PTCHD4: variants seen among roughly 807,000 people sequenced by gnomAD.
PTCHD4 encodes the protein patched domain containing 4.
Under a neutral mutation model 58.1 loss-of-function variants are expected in PTCHD4, and 33 were observed. The observed-to-expected ratio is 0.57, with a 90% CI of 0.43 to 0.76. PTCHD4 has a LOEUF of 0.76. PTCHD4 is among the 30% of genes least tolerant of loss of function. The pLI, the probability that PTCHD4 is intolerant of heterozygous loss-of-function variation, is 0.00. For synonymous variants in PTCHD4, 478 were observed against 409.6 expected, an observed-to-expected ratio of 1.17 and a Z score of -2.02; for missense variants, 1,058 against 1,027.1, an observed-to-expected ratio of 1.03 and a Z score of -0.41.
At position 47,991,228 on chromosome 6, in the gene PTCHD4, A is replaced by T. The variant is rs951367619; in HGVS notation, c.898+17406T>A. Among the ~76,000 whole-genome samples the T allele has an allele frequency of 2.6e-5, 4 of 152,294 alleles. No individual in the cohort carries two copies. The East Asian group carries it at 7.7e-4, about 29-fold the overall frequency. On this transcript the variant is annotated intron_variant, in intron 4 of 4. Coordinates refer to ENST00000339488, the MANE Select transcript of PTCHD4 (RefSeq NM_001384253.1). ...TAGAATAAATCAATCAAAGGAAGTC[A>T]TATCTAGATATATCACAGCGAAACT...
rs965394063 is a variant in PTCHD4, at chr6:47,877,636, T to C, written c.*667A>G. On this transcript the variant is annotated 3_prime_UTR_variant, in exon 5 of 5. Transcript: ENST00000339488. Reference sequence around the variant, plus strand: ...TGACTGCTGAGACACTTGGGTTGATTTAGAACGGCTATTAATGAATCTATA... The same window carrying C: ...TGACTGCTGAGACACTTGGGTTGATCTAGAACGGCTATTAATGAATCTATA... Among the ~76,000 whole-genome samples, 10 of 152,054 alleles carry C rather than the reference T, an allele frequency of 6.6e-5. No homozygotes were observed. Among genetic ancestry groups the C allele is most frequent in the Admixed American group, 6.6e-5 (1 of 15,242 alleles).
At chr6:47,901,763 G>A in intron 4 of PTCHD4, 2 of 1,185,302 alleles carry the variant, frequency 1.7e-6, no homozygotes, top group Non-Finnish European at 2.1e-6. Flanking sequence ...TATTGGTGGT[G>A]ATGATGATGA....
intron 3 of PTCHD4, among the ~76,000 whole-genome samples, chr6:48,013,678 C>T (rs1215965314): frequency 6.6e-6 from 1 of 151,974 alleles, no homozygotes; most frequent in Non-Finnish European, 1.5e-5. Context: ...TTTTTAGCTC[C>T]ACCCTTGTTT....
At chr6:47,925,426 T>C (rs540785527) in intron 4 of PTCHD4, among the ~76,000 whole-genome samples, 58 of 152,148 alleles carry the variant, frequency 3.8e-4, no homozygotes, top group African/African-American at 1.2e-3. Flanking sequence ...ATAGACAGAG[T>C]TACACATCTC....
rs1048468499 is a variant in PTCHD4 at position 47,873,058 on chromosome 6, A to T, written c.*5245T>A. Among the ~76,000 whole-genome samples the T allele has an allele frequency of 6.6e-6, 1 of 151,630 alleles. No individual in the cohort carries two copies. Among genetic ancestry groups the T allele is most frequent in the Non-Finnish European group, 1.5e-5 (1 of 67,736 alleles). On this transcript the variant is annotated 3_prime_UTR_variant, in exon 5 of 5. Coordinates refer to ENST00000339488, the MANE Select transcript of PTCHD4 (RefSeq NM_001384253.1). ...GGTGCTTACTTTAAGCTTCTTTACAAAGAGTCTCCCTAGCTTTTCACTTTC... is the reference window on the plus strand; with the variant it reads ...GGTGCTTACTTTAAGCTTCTTTACATAGAGTCTCCCTAGCTTTTCACTTTC...
chr6:47,898,981 AGAAATGG>A (rs1486705647), intron 4 of PTCHD4, among the ~76,000 whole-genome samples: 1 of 152,230 alleles, frequency 6.6e-6, no homozygotes, highest in Admixed American at 6.5e-5. Context: ...GTTTTCATGA[AGAAATGG>A]AAGGCTTTCC....
chr6:48,086,442 A>G (rs760484603), intron 1 of PTCHD4, among the ~76,000 whole-genome samples: 2 of 151,988 alleles, frequency 1.3e-5, no homozygotes, highest in Non-Finnish European at 2.9e-5. Context: ...TTCTTTAATA[A>G]AAGTCTAGTA....
Position 48,068,635 on chromosome 6 carries a change from C to T in PTCHD4, c.12G>A (p.Pro4=), listed in dbSNP as rs372163404. The T allele has an allele frequency of 4.5e-6, 7 of 1,549,820 alleles. No homozygotes were observed. The highest frequency in any genetic ancestry group is 6.1e-6 in the Non-Finnish European group (7 of 1,152,812). The change falls in exon 3 of 5, where the codon CCG becomes CCA. Residue 4 remains proline (P), a synonymous_variant. Transcript: ENST00000339488. This position sits in a 1 kb window ranked among gnomAD's most constrained non-coding sequence, Gnocchi z 4.2. MRR[P]GAPASWIWWR... is the part of the protein sequence containing the mutation. ...ACCAGATCCAGCTCGCAGGCGCTCC[C>T]GGCCGTCTTAAAAAGCACATGTGAC...
At chr6:48,034,228 G>A (rs1763550788) in intron 3 of PTCHD4, among the ~76,000 whole-genome samples, 1 of 152,096 alleles carries the variant, frequency 6.6e-6, no homozygotes, top group Admixed American at 6.6e-5. Flanking sequence ...TGTCTGTTGT[G>A]TGACAAATAT....
At chr6:47,881,857 G>A (rs768611625) in intron 4 of PTCHD4, among the ~76,000 whole-genome samples, 3 of 151,994 alleles carry the variant, frequency 2.0e-5, no homozygotes, top group East Asian at 3.9e-4. Flanking sequence ...TGTCTCTTAC[G>A]GGTCTCCAAT....
At chr6:48,048,683 G>A (rs1237541468) in intron 3 of PTCHD4, among the ~76,000 whole-genome samples, 6 of 151,852 alleles carry the variant, frequency 4.0e-5, no homozygotes, top group African/African-American at 1.4e-4. Flanking sequence ...TCCAAAATGA[G>A]GAAGATGAAT....
At chr6:47,967,295 G>A (rs1375343665) in intron 4 of PTCHD4, among the ~76,000 whole-genome samples, 1 of 152,100 alleles carries the variant, frequency 6.6e-6, no homozygotes, top group Admixed American at 6.6e-5. Context: ...CTAAGCTGTG[G>A]GTTTCAACAG....
intron 1 of PTCHD4, among the ~76,000 whole-genome samples, chr6:48,083,813 A>T (rs1765210432): frequency 6.6e-6 from 1 of 152,216 alleles, no homozygotes; most frequent in Admixed American, 6.5e-5. Context: ...CAACCACAAG[A>T]AATCAAATTT....
intron 4 of PTCHD4, among the ~76,000 whole-genome samples, chr6:47,914,583 G>A (rs1298682908): frequency 6.6e-6 from 1 of 151,574 alleles, no homozygotes; most frequent in Non-Finnish European, 1.5e-5. Flanking sequence ...CCAGGATCAT[G>A]TGAGTTCTTT....
Position 47,867,907 on chromosome 6 carries a change from G to C in PTCHD4, c.*10396C>G, listed in dbSNP as rs1217180441. Among the ~76,000 whole-genome samples the C allele has an allele frequency of 6.6e-6, 1 of 151,634 alleles. No individual in the cohort carries two copies. Among genetic ancestry groups the C allele is most frequent in the East Asian group, 1.9e-4 (1 of 5,154 alleles). On this transcript the variant is annotated 3_prime_UTR_variant, in exon 5 of 5. Coordinates refer to ENST00000339488, the MANE Select transcript of PTCHD4 (RefSeq NM_001384253.1). ...CTCCTAAATATGAGGTAAGTAAATAGGTACAATCACAAGCCATCTAGGGGT... is the reference window on the plus strand; with the variant it reads ...CTCCTAAATATGAGGTAAGTAAATACGTACAATCACAAGCCATCTAGGGGT...
At chr6:47,970,972 A>G in intron 4 of PTCHD4, among the ~76,000 whole-genome samples, 1 of 152,208 alleles carries the variant, frequency 6.6e-6, no homozygotes, top group East Asian at 1.9e-4. Context: ...CTGCTCTAGA[A>G]AAACTGATTG....
chr6:48,088,372 G>T (rs954777483), intron 1 of PTCHD4, among the ~76,000 whole-genome samples: 1 of 152,152 alleles, frequency 6.6e-6, no homozygotes, highest in African/African-American at 2.4e-5. Flanking sequence ...ATGGGTAAGT[G>T]ATTTGTAGTT....
At chr6:48,049,099 C>T (rs1034622366) in intron 3 of PTCHD4, among the ~76,000 whole-genome samples, 1 of 151,972 alleles carries the variant, frequency 6.6e-6, no homozygotes, top group Non-Finnish European at 1.5e-5. Context: ...AGATCCAGAG[C>T]AGTGGTTCTC....
At chr6:48,004,310 T>A (rs187149486) in intron 4 of PTCHD4, among the ~76,000 whole-genome samples, 221 of 152,312 alleles carry the variant, frequency 1.5e-3, no homozygotes, top group African/African-American at 5.2e-3. Context: ...TCAAGCTGAC[T>A]GAAGTGAGAC....
Sources: gnomAD v4.1 joint callset for allele counts (sites outside exome capture counted in the v4.1 genomes callset) on GRCh38, gnomAD v4.1.1 for gene constraint, Gnocchi (gnomAD v3.1) non-coding constraint, MANE v1.5 for transcripts, NCBI Gene and HGNC (gene_info 2026-07-23, HGNC 2026-07-21) for gene names.